LMCD1: variants seen among roughly 807,000 people sequenced by gnomAD.
The protein encoded by LMCD1 is LIM and cysteine-rich domains protein 1.
Under a neutral mutation model 42.7 loss-of-function variants are expected in LMCD1, and 32 were observed. That is an observed-to-expected ratio of 0.75 (90% CI 0.57 to 1.01). The LOEUF (loss-of-function observed/expected upper bound fraction) is 1.01. Among genes scored for constraint, LMCD1 ranks in the 50% least tolerant of loss-of-function variants. LMCD1 has a pLI of 0.00. For synonymous variants in LMCD1, 178 were observed against 184.9 expected (o/e 0.96, Z 0.30); for missense variants, 458 against 483.1 (o/e 0.95, Z 0.49).
Position 8,567,631 on chromosome 3 carries a change from A to C in LMCD1, c.*33A>C. 4 of 1,587,168 alleles carry C rather than the reference A, an allele frequency of 2.5e-6. No individual in the cohort carries two copies. Among genetic ancestry groups the C allele is most frequent in the Non-Finnish European group, 3.4e-6 (4 of 1,165,238 alleles). On this transcript the variant is annotated 3_prime_UTR_variant, in exon 6 of 6. Coordinates refer to ENST00000157600, the MANE Select transcript of LMCD1 (RefSeq NM_014583.4). ...CCCACCCACAGCCAGAATCCACAGG[A>C]TCCCACCGAGAAGGAGAGCCAGGTG...
intron 1 of LMCD1, among the ~76,000 whole-genome samples, chr3:8,522,967 G>A (rs1694235038): frequency 6.6e-6 from 1 of 152,136 alleles, no homozygotes; most frequent in Non-Finnish European, 1.5e-5. Context: ...CAGTCCACGG[G>A]ATAAATTTAA....
intron 3 of LMCD1, among the ~76,000 whole-genome samples, chr3:8,540,522 G>T (rs1649594342): frequency 6.6e-6 from 1 of 152,226 alleles, no homozygotes; most frequent in African/African-American, 2.4e-5. Flanking sequence ...ACAGAGCCAG[G>T]TCTTGAACTC....
chr3:8,507,839 C>T (rs1319032327), intron 1 of LMCD1, among the ~76,000 whole-genome samples: 2 of 152,286 alleles, frequency 1.3e-5, no homozygotes, highest in South Asian at 2.1e-4. Context: ...AGAAGGCATT[C>T]GTAGAAAGCA....
chr3:8,571,918 T>G lies in LMCD1; in HGVS notation c.*4320T>G, dbSNP rs1376166417. On this transcript the variant is annotated 3_prime_UTR_variant, in exon 6 of 6. Coordinates refer to ENST00000157600, the MANE Select transcript of LMCD1 (RefSeq NM_014583.4). ...GTAATTCCTACAAATAAGGACATTCTCCCACATAGCCACAATACAACCATC... is the reference window on the plus strand; with the variant it reads ...GTAATTCCTACAAATAAGGACATTCGCCCACATAGCCACAATACAACCATC... The G allele has an allele frequency of 6.6e-6, 1 of 152,236 alleles. No homozygotes were observed. The highest frequency in any genetic ancestry group is 2.4e-5 in the African/African-American group (1 of 41,452). 9.4% of individuals were successfully genotyped at this position (152,236 alleles called of 1,614,324 possible). A position where few individuals can be genotyped will look rare whatever the true frequency, so the allele number is the denominator to read the frequency against.
At chr3:8,565,185 G>A (rs1574977545) in intron 4 of LMCD1, among the ~76,000 whole-genome samples, 1 of 152,034 alleles carries the variant, frequency 6.6e-6, no homozygotes, top group Middle Eastern at 3.2e-3. Context: ...AGTATAAAGG[G>A]TACTGAGACC....
rs1478140532 is a variant in LMCD1 at position 8,570,564 on chromosome 3, G to GTCAC, written c.*2970_*2973dup. 6.6e-6 allele frequency: 1 copy of GTCAC among 152,298 alleles called. No homozygotes were observed. Among genetic ancestry groups the GTCAC allele is most frequent in the Non-Finnish European group, 1.5e-5 (1 of 68,132 alleles). 9.4% of individuals were successfully genotyped at this position (152,298 alleles called of 1,614,324 possible). On this transcript the variant is annotated 3_prime_UTR_variant, in exon 6 of 6. Coordinates refer to ENST00000157600, the MANE Select transcript of LMCD1 (RefSeq NM_014583.4). ...TGCCACTTGCCTTCATATCTGATGG[G>GTCAC]TCACTCAGTCCAGTCCTTTCTCTCC...
At chr3:8,514,108 C>G (rs138260414) in intron 1 of LMCD1, among the ~76,000 whole-genome samples, 410 of 150,228 alleles carry the variant, frequency 2.7e-3, no homozygotes, top group Admixed American at 3.7e-3. Flanking sequence ...TAGATAGATA[C>G]ATACATACAT....
chr3:8,572,328 A>T lies in LMCD1; in HGVS notation c.*4730A>T, dbSNP rs534893243. The T allele has an allele frequency of 3.1e-4, 47 of 152,332 alleles. No homozygotes were observed. The highest frequency in any genetic ancestry group is 1.1e-3 in the African/African-American group (45 of 41,586). 9.4% of individuals were successfully genotyped at this position (152,332 alleles called of 1,614,324 possible). On this transcript the variant is annotated 3_prime_UTR_variant, in exon 6 of 6. Transcript: ENST00000157600. ...ATTTTGATTTGTTCCATTACTGTTGACATGAATTTTGAACATTTGATAATG... is the reference window on the plus strand; with the variant it reads ...ATTTTGATTTGTTCCATTACTGTTGTCATGAATTTTGAACATTTGATAATG...
At chr3:8,567,107 A>C (rs575969951) in intron 5 of LMCD1, among the ~76,000 whole-genome samples, 64 of 152,156 alleles carry the variant, frequency 4.2e-4, no homozygotes, top group Non-Finnish European at 7.5e-4. Flanking sequence ...CAGTTTATCT[A>C]TCCTTAAGCT....
chr3:8,524,753 C>T (rs1003984569), intron 1 of LMCD1, among the ~76,000 whole-genome samples: 4 of 152,134 alleles, frequency 2.6e-5, no homozygotes, highest in African/African-American at 9.7e-5. Flanking sequence ...GGCACGATCA[C>T]AGGTCACTAC....
rs553965336 is a variant in LMCD1, at chr3:8,525,491, A to G, written c.43-7246A>G. On this transcript the variant is annotated intron_variant, in intron 1 of 5. Transcript: ENST00000157600. ...GTTGACAGACACTTAGGTTGTTTCC[A>G]TATCTTGGCTATTGTGAATAGCGCT... Among the ~76,000 whole-genome samples the G allele has an allele frequency of 4.6e-5, 7 of 152,156 alleles. No individual in the cohort carries two copies. In the South Asian group the frequency reaches 1.2e-3, roughly 27 times the overall value.
At chr3:8,541,281 G>C (rs1439429763) in intron 3 of LMCD1, among the ~76,000 whole-genome samples, 1 of 152,182 alleles carries the variant, frequency 6.6e-6, no homozygotes, top group Non-Finnish European at 1.5e-5. Flanking sequence ...CAGGTGCAGT[G>C]GCTCGCACCT....
intron 3 of LMCD1, among the ~76,000 whole-genome samples, chr3:8,544,328 A>T (rs1694693222): frequency 6.6e-6 from 1 of 151,914 alleles, no homozygotes; most frequent in Non-Finnish European, 1.5e-5. Flanking sequence ...ACTTCCAGAC[A>T]CTCCACCACC....
intron 4 of LMCD1, among the ~76,000 whole-genome samples, chr3:8,556,510 G>A (rs558517990): frequency 6.6e-5 from 10 of 152,130 alleles, no homozygotes; most frequent in African/African-American, 2.2e-4. Context: ...TGAGGAAATT[G>A]TCTAGTCACC....
At chr3:8,539,439 G>A (rs995346244) in intron 3 of LMCD1, among the ~76,000 whole-genome samples, 3 of 152,228 alleles carry the variant, frequency 2.0e-5, no homozygotes, top group Non-Finnish European at 4.4e-5. Flanking sequence ...GGGCCACAGA[G>A]TGTGGCCACA....
chr3:8,574,236 A>C lies in LMCD1; in HGVS notation c.*6638A>C, dbSNP rs1695265554. 1 of 152,184 alleles carries C rather than the reference A, an allele frequency of 6.6e-6. No homozygotes were observed. Among genetic ancestry groups the C allele is most frequent in the African/African-American group, 2.4e-5 (1 of 41,440 alleles). 9.4% of individuals were successfully genotyped at this position (152,184 alleles called of 1,614,324 possible). A position where few individuals can be genotyped will look rare whatever the true frequency, so the allele number is the denominator to read the frequency against. On this transcript the variant is annotated 3_prime_UTR_variant, in exon 6 of 6. Transcript: ENST00000157600. Reference sequence around the variant, plus strand: ...GGGTCAGTCCTATGCTTATCCCTTGACCAATCTCTGTGCCCAGAGGGCAGG... The same window carrying C: ...GGGTCAGTCCTATGCTTATCCCTTGCCCAATCTCTGTGCCCAGAGGGCAGG...
At chr3:8,565,407 C>G (rs371004025) in intron 4 of LMCD1, 25 bp from the exon 5 acceptor site, 12 of 1,604,042 alleles carry the variant, frequency 7.5e-6, no homozygotes, top group Middle Eastern at 1.7e-4. Context: ...TCCTTGTCTC[C>G]TATGGTCCTT....
intron 1 of LMCD1, among the ~76,000 whole-genome samples, chr3:8,531,096 G>C (rs1694404067): frequency 6.6e-6 from 1 of 152,224 alleles, no homozygotes; most frequent in Non-Finnish European, 1.5e-5. Flanking sequence ...GTGAAGGACA[G>C]CTGTCTCTTT....
chr3:8,561,667 C>A (rs1695039860), intron 4 of LMCD1, among the ~76,000 whole-genome samples: 1 of 152,172 alleles, frequency 6.6e-6, no homozygotes, highest in African/African-American at 2.4e-5. Flanking sequence ...CATTACTGAG[C>A]AAATCACTGA....
Sources: gnomAD v4.1 joint callset for allele counts (sites outside exome capture counted in the v4.1 genomes callset) on GRCh38, gnomAD v4.1.1 for gene constraint, MANE v1.5 for transcripts, NCBI Gene and HGNC (gene_info 2026-07-23, HGNC 2026-07-21) for gene names.